SPHK2: variants seen among roughly 807,000 people sequenced by gnomAD.
SPHK2 encodes sphingosine kinase 2.
In SPHK2, 18 loss-of-function variants were observed where a neutral mutation model predicts 32.3. That is an observed-to-expected ratio of 0.56 (90% CI 0.39 to 0.83). The LOEUF (loss-of-function observed/expected upper bound fraction) is 0.83. SPHK2 is among the 40% of genes least tolerant of loss of function. The probability of loss-of-function intolerance (pLI) is 0.00; values close to 1 mark genes in which losing one functional copy is unlikely to be tolerated. For synonymous variants in SPHK2, 462 were observed against 417.6 expected (o/e 1.11, Z -1.30); for missense variants, 850 against 908.7 (o/e 0.94, Z 0.83).
chr19:48,629,744 C>T lies in SPHK2; in HGVS notation c.1936C>T (p.Pro646Ser). The T allele has an allele frequency of 6.3e-6, 10 of 1,586,774 alleles. No homozygotes were observed. The highest frequency in any genetic ancestry group is 7.7e-6 in the Non-Finnish European group (9 of 1,163,560). Residue 646 changes from proline (P) to serine (S), a missense_variant, in exon 7 of 7, where the codon CCT (proline) becomes TCT (serine). Transcript: ENST00000245222. Reference sequence around the variant, plus strand: ...TGGCATCGGTACACTGCTCACTGGGCCTCCTGGCTGCCCGGGGCGGGAGCC... The same window carrying T: ...TGGCATCGGTACACTGCTCACTGGGTCTCCTGGCTGCCCGGGGCGGGAGCC... ...HPGIGTLLTGPPGCPGREP is the reference protein window; with the variant it reads ...HPGIGTLLTGSPGCPGREP
intron 2 of SPHK2, chr19:48,625,121 G>T: frequency 2.0e-6 from 2 of 991,268 alleles, no homozygotes; most frequent in Admixed American, 5.8e-5. Context: ...CCTTGCAGGC[G>T]CTCGCATGTG....
Position 48,629,650 on chromosome 19 carries a change from A to C in SPHK2, c.1842A>C (p.Thr614=), listed in dbSNP as rs762824849. Residue 614 remains threonine (T), a synonymous_variant, in exon 7 of 7, where the codon ACA becomes ACC. Coordinates refer to ENST00000245222, the MANE Select transcript of SPHK2 (RefSeq NM_020126.5). The part of the protein sequence containing the change: ...AARAFRLEPL[T]PRGVLTVDGE... ...GTGCCTTCCGCCTAGAGCCGCTCACACCACGCGGCGTGCTCACAGTGGACG... is the reference window on the plus strand; with the variant it reads ...GTGCCTTCCGCCTAGAGCCGCTCACCCCACGCGGCGTGCTCACAGTGGACG... 1.6e-5 allele frequency: 25 copies of C among 1,603,644 alleles called. No individual in the cohort carries two copies. The East Asian group carries it at 5.4e-4, about 35-fold the overall frequency.
Position 48,626,019 on chromosome 19 carries a change from C to T in SPHK2, c.168C>T (p.Gly56=), listed in dbSNP as rs372008624. The part of the protein sequence containing the change: ...ASTPLLHGEF[G]SYPARGPRFA... ...CCCCGCTCCTCCATGGCGAGTTTGG[C>T]TCCTACCCAGCCCGAGGCCCACGCT... Residue 56 remains glycine, a synonymous_variant, in exon 3 of 7, where the codon GGC becomes GGT. Coordinates refer to ENST00000245222, the MANE Select transcript of SPHK2 (RefSeq NM_020126.5). 2 of 1,613,496 alleles carry T rather than the reference C, an allele frequency of 1.2e-6. No homozygotes were observed.
At chr19:48,623,599 T>C (rs932913762) in intron 2 of SPHK2, among the ~76,000 whole-genome samples, 2 of 152,190 alleles carry the variant, frequency 1.3e-5, no homozygotes, top group Non-Finnish European at 1.5e-5. Flanking sequence ...CCCTCACCTT[T>C]GACCTAGAGA....
chr19:48,627,640 A>G, intron 3 of SPHK2, 52 bp from the exon 4 acceptor site: 1 of 1,516,538 alleles, frequency 6.6e-7, no homozygotes, highest in Non-Finnish European at 8.8e-7. Context: ...ACTGTTTCCA[A>G]GGTGGGGGGC....
chr19:48,620,197 T>C (rs981775238), intron 1 of SPHK2, among the ~76,000 whole-genome samples: 2 of 152,148 alleles, frequency 1.3e-5, no homozygotes, highest in Non-Finnish European at 2.9e-5. Flanking sequence ...AAGTGCTCAA[T>C]AAAAATTAGC....
intron 2 of SPHK2, chr19:48,625,307 T>C: frequency 8.9e-7 from 1 of 1,117,992 alleles, no homozygotes; most frequent in Non-Finnish European, 1.1e-6. Context: ...TCATTGACCC[T>C]GTTTGTCTCC....
intron 2 of SPHK2, 134 bp from the exon 3 acceptor site, chr19:48,625,757 G>A (rs1256605579): frequency 1.3e-6 from 2 of 1,535,252 alleles, no homozygotes; most frequent in Admixed American, 2.0e-5. Context: ...ACCTGTCTGA[G>A]CCTGTCTGTC....
At chr19:48,622,092 A>G (rs1193105553) in intron 2 of SPHK2, among the ~76,000 whole-genome samples, 1 of 151,976 alleles carries the variant, frequency 6.6e-6, no homozygotes, top group Admixed American at 6.6e-5. Flanking sequence ...CGTCTCTACT[A>G]AAAATACAAA....
Position 48,629,495 on chromosome 19 carries a change from G to A in SPHK2, c.1687G>A (p.Asp563Asn). The change falls in exon 7 of 7, where the codon GAC becomes AAC. Residue 563 changes from aspartate (D) to asparagine (N), a missense_variant. By Grantham distance (23) the Asp-to-Asn change is conservative. Around this residue, in one of 2 missense-constraint regions of SPHK2, gnomAD observed 306 missense variants for 268.6 expected, o/e 1.14. Coordinates refer to ENST00000245222, the MANE Select transcript of SPHK2 (RefSeq NM_020126.5). ...GGCAGCTCCGCATGCGCGCTTCGAC[G>A]ACGGCCTGGTGCACCTGTGCTGGGT... ...LVAAPHARFD[D>N]GLVHLCWVRS... is the part of the protein sequence containing the mutation. The A allele has an allele frequency of 1.9e-6, 3 of 1,607,338 alleles. No individual in the cohort carries two copies. The highest frequency in any genetic ancestry group is 1.3e-5 in the African/African-American group (1 of 74,980).
intron 2 of SPHK2, chr19:48,625,418 G>C (rs1974567520): frequency 1.7e-6 from 2 of 1,180,846 alleles, no homozygotes; most frequent in Admixed American, 7.9e-5. Flanking sequence ...GTGTCGGGGA[G>C]GTGTGTCTTT....
chr19:48,624,601 T>A (rs1317010864), intron 2 of SPHK2: 2 of 151,314 alleles, frequency 1.3e-5, no homozygotes, highest in Non-Finnish European at 2.9e-5. Flanking sequence ...GAAATAAGAG[T>A]GCGGATGGCG....
intron 2 of SPHK2, chr19:48,623,971 C>T (rs997051938): frequency 6.6e-6 from 1 of 152,382 alleles, no homozygotes; most frequent in Non-Finnish European, 1.5e-5. Context: ...CATCCAACCT[C>T]TGTGGGTCTC....
Position 48,628,028 on chromosome 19 carries a change from G to T in SPHK2, c.715G>T (p.Asp239Tyr). ...LVQGLSLSEW[D>Y]GIVTVSGDGL... Reference sequence around the variant, plus strand: ...CCAGGGGCTGAGCCTGAGTGAGTGGGATGGCATCGTCACGGTCTCGGGAGA... The same window carrying T: ...CCAGGGGCTGAGCCTGAGTGAGTGGTATGGCATCGTCACGGTCTCGGGAGA... Residue 239 changes from aspartate to tyrosine, a missense_variant, in exon 5 of 7, where the codon GAT (aspartate) becomes TAT (tyrosine). By Grantham distance (160) the Asp-to-Tyr change is radical. This residue lies in a region of SPHK2 where 544 missense variants were observed against 640.0 expected (regional missense o/e 0.85). Coordinates refer to ENST00000245222, the MANE Select transcript of SPHK2 (RefSeq NM_020126.5). The surrounding 1 kb of genome is among the most constrained non-coding windows in gnomAD (Gnocchi z 5.2). 1.3e-6 allele frequency: 2 copies of T among 1,596,824 alleles called. No individual in the cohort carries two copies. Among genetic ancestry groups the T allele is most frequent in the Non-Finnish European group, 1.7e-6 (2 of 1,168,302 alleles).
Position 48,626,588 on chromosome 19 carries a change from G to T in SPHK2, c.511+226G>T, listed in dbSNP as rs281410. On this transcript the variant is annotated intron_variant, in intron 3 of 6. Coordinates refer to ENST00000245222, the MANE Select transcript of SPHK2 (RefSeq NM_020126.5). The stretch of plus-strand genomic sequence containing the variant: ...CTAGCAATTTGGGAGGCTGAGGCGG[G>T]TGGATCACCTGAGGTCAGGAGTTCG... 1.1e-3 allele frequency: 562 copies of T among 526,428 alleles called. 8 individuals carry two copies. The East Asian group carries it at 0.017, about 16-fold the overall frequency. 32.6% of individuals were successfully genotyped at this position (526,428 alleles called of 1,614,324 possible). A position where few individuals can be genotyped will look rare whatever the true frequency, so the allele number is the denominator to read the frequency against.
At chr19:48,624,814 A>C in intron 2 of SPHK2, 1 of 795,766 alleles carries the variant, frequency 1.3e-6, no homozygotes, top group Non-Finnish European at 1.5e-6. Context: ...CCTGGACCCG[A>C]GAGAGCCGCT....
intron 2 of SPHK2, chr19:48,625,352 T>C (rs1974563804): frequency 8.7e-7 from 1 of 1,155,804 alleles, no homozygotes; most frequent in African/African-American, 1.6e-5. Context: ...ACCCTATCTC[T>C]ATTGCGTTTG....
rs775661505 is a variant in SPHK2 at position 48,628,184 on chromosome 19, G to A, written c.779G>A (p.Arg260His). The A allele has an allele frequency of 6.8e-6, 11 of 1,613,730 alleles. No individual in the cohort carries two copies. The highest frequency in any genetic ancestry group is 2.2e-5 in the East Asian group (1 of 44,884). Residue 260 changes from arginine to histidine, a missense_variant, in exon 6 of 7, where the codon CGC (arginine) becomes CAC (histidine). Physicochemically the swap from Arg to His is conservative, Grantham distance 29. Transcript: ENST00000245222. The surrounding 1 kb of genome is among the most constrained non-coding windows in gnomAD (Gnocchi z 5.2). Reference protein sequence around the residue: ...LHEVLNGLLDRPDWEEAVKMP... With the variant: ...LHEVLNGLLDHPDWEEAVKMP... ...CAGGTGCTGAACGGGCTCCTAGATCGCCCTGACTGGGAGGAAGCTGTGAAG... is the reference window on the plus strand; with the variant it reads ...CAGGTGCTGAACGGGCTCCTAGATCACCCTGACTGGGAGGAAGCTGTGAAG...
Position 48,629,459 on chromosome 19 carries a change from G to A in SPHK2, c.1651G>A (p.Ala551Thr), listed in dbSNP as rs750347445. ...GGCCATCTCGCCCAGCCACCTAGGC[G>A]CTGACCTGGTGGCAGCTCCGCATGC... is the stretch of plus-strand genomic sequence containing the variant. ...MLAISPSHLG[A>T]DLVAAPHARF... The change falls in exon 7 of 7, where the codon GCT (alanine) becomes ACT (threonine). Residue 551 changes from alanine (A) to threonine (T), a missense_variant. This residue lies in a region of SPHK2 where 306 missense variants were observed against 268.6 expected (regional missense o/e 1.14). Transcript: ENST00000245222. 2 of 1,608,316 alleles carry A rather than the reference G, an allele frequency of 1.2e-6. No homozygotes were observed. Among genetic ancestry groups the A allele is most frequent in the Non-Finnish European group, 8.5e-7 (1 of 1,178,432 alleles).
Sources: gnomAD v4.1 joint callset for allele counts (sites outside exome capture counted in the v4.1 genomes callset) on GRCh38, gnomAD v4.1.1 for gene constraint, gnomAD v4.1.1 regional missense constraint, Gnocchi (gnomAD v3.1) non-coding constraint, MANE v1.5 for transcripts, NCBI Gene and HGNC (gene_info 2026-07-23, HGNC 2026-07-21) for gene names.